ESRP1: variants seen among roughly 807,000 people sequenced by gnomAD.
ESRP1 encodes RNA-binding motif protein 35A.
A neutral mutation model predicts 81.7 loss-of-function variants in ESRP1; 33 were observed. The observed-to-expected ratio is 0.40, with a 90% CI of 0.31 to 0.54. The LOEUF is 0.54. ESRP1 is among the 20% of genes least tolerant of loss of function. ESRP1 has a pLI of 0.41. For missense variants in ESRP1, 672 were observed against 833.1 expected (o/e 0.81, Z 2.38); for synonymous variants, 320 against 303.3 (o/e 1.06, Z -0.57).
chr8:94,650,183 G>A (rs146417491), intron 4 of ESRP1, among the ~76,000 whole-genome samples: 113 of 152,246 alleles, frequency 7.4e-4, no homozygotes, highest in Middle Eastern at 6.9e-3. Context: ...TTTGACAAAC[G>A]TATAATGACA....
At chr8:94,666,569 G>T (rs1055150167) in intron 9 of ESRP1, among the ~76,000 whole-genome samples, 1 of 152,156 alleles carries the variant, frequency 6.6e-6, no homozygotes, top group Non-Finnish European at 1.5e-5. Flanking sequence ...CTGTGTAAAA[G>T]AACATTTGTA....
chr8:94,664,718 T>A lies in ESRP1; in HGVS notation c.666T>A (p.Asp222Glu), dbSNP rs1818928574. ...ACAGCAGCAAGATGGAACTTATTGA[T>A]GATAACACCGTAGTCAGGGCACGAG... is the stretch of plus-strand genomic sequence containing the variant. ...SGTCSKMELI[D>E]DNTVVRARGL... The change falls in exon 7 of 16, where the codon GAT becomes GAA. Residue 222 changes from aspartate to glutamate, a missense_variant. Physicochemically the swap from Asp to Glu is conservative, Grantham distance 45. Transcript: ENST00000433389. The A allele has an allele frequency of 1.9e-6, 3 of 1,613,806 alleles. No individual in the cohort carries two copies. The highest frequency in any genetic ancestry group is 2.5e-6 in the Non-Finnish European group (3 of 1,179,824).
intron 3 of ESRP1, among the ~76,000 whole-genome samples, chr8:94,644,581 G>T (rs1053249549): frequency 6.6e-6 from 1 of 152,106 alleles, no homozygotes; most frequent in Non-Finnish European, 1.5e-5. Context: ...AATATGTAAG[G>T]ATTACTTTTT....
At chr8:94,664,838 A>G (rs1225808202) in intron 7 of ESRP1, 31 bp downstream of exon 7, 4 of 1,611,930 alleles carry the variant, frequency 2.5e-6, no homozygotes, top group Non-Finnish European at 3.4e-6. Flanking sequence ...ATTTTACTTA[A>G]CAATCCCAAA....
rs2303452 is a variant in ESRP1 at position 94,641,717 on chromosome 8, G to T, written c.133-239G>T. 6 of 695,980 alleles carry T rather than the reference G, an allele frequency of 8.6e-6. No homozygotes were observed. In the South Asian group the frequency reaches 1.4e-4, roughly 16 times the overall value. The allele number at this position is 695,980 out of a possible 1,614,324, so 43.1% of individuals were successfully genotyped here. A position where few individuals can be genotyped will look rare whatever the true frequency, so the allele number is the denominator to read the frequency against. Reference sequence around the variant, plus strand: ...TTTGCCCGTCGGGGGACGCTCCGCCGAGACGAGGTGGGGTCTCGGAGGCCC... The same window carrying T: ...TTTGCCCGTCGGGGGACGCTCCGCCTAGACGAGGTGGGGTCTCGGAGGCCC... On this transcript the variant is annotated intron_variant, in intron 1 of 15. Transcript: ENST00000433389.
At chr8:94,648,486 A>AT (rs924389939) in intron 4 of ESRP1, among the ~76,000 whole-genome samples, 26 of 152,382 alleles carry the variant, frequency 1.7e-4, no homozygotes, top group African/African-American at 5.8e-4. Context: ...TCCAATCTGA[A>AT]TATCAACTTG....
chr8:94,705,821 C>A, intron 15 of ESRP1, 104 bp from the exon 16 acceptor site: 2 of 1,086,424 alleles, frequency 1.8e-6, no homozygotes, highest in Non-Finnish European at 1.3e-6. Context: ...GCTTTTTTTC[C>A]ACAAAGTCCT....
chr8:94,689,657 A>G (rs2554401), intron 13 of ESRP1, among the ~76,000 whole-genome samples: 107,253 of 151,444 alleles, frequency 0.71, 38,321 homozygotes, highest in South Asian at 0.8. Flanking sequence ...AGAATTTAGG[A>G]TTTTTTTGTT....
intron 2 of ESRP1, among the ~76,000 whole-genome samples, chr8:94,642,698 A>G (rs1385122227): frequency 6.6e-6 from 1 of 152,092 alleles, no homozygotes; most frequent in East Asian, 1.9e-4. Context: ...GAATCCCCTT[A>G]TTAGGACTGA....
chr8:94,643,321 A>C lies in ESRP1; in HGVS notation c.280A>C (p.Asn94His). The change falls in exon 3 of 16, where the codon AAT becomes CAT. Residue 94 changes from asparagine to histidine, a missense_variant. Transcript: ENST00000433389. The part of the protein sequence containing the change: ...ALRQFNQSVS[N>H]ELNIGVGTSF... ...CTTGCAGTTTAACCAGTCAGTGAGC[A>C]ATGAACTGAATATTGGAGTAGGGAC... The C allele has an allele frequency of 1.2e-6, 2 of 1,611,496 alleles. No individual in the cohort carries two copies. The highest frequency in any genetic ancestry group is 1.7e-6 in the Non-Finnish European group (2 of 1,177,594).
At chr8:94,667,834 G>T in intron 9 of ESRP1, 115 bp from the exon 10 acceptor site, 2 of 829,178 alleles carry the variant, frequency 2.4e-6, no homozygotes, top group South Asian at 1.9e-5. Flanking sequence ...TTCAGTAGGA[G>T]TATGGGTCTT....
rs1810094821 is a variant in ESRP1, at chr8:94,707,129, T to C, written c.*1240T>C. 6.6e-6 allele frequency: 1 copy of C among 152,260 alleles called. No homozygotes were observed. Among genetic ancestry groups the C allele is most frequent in the Non-Finnish European group, 1.5e-5 (1 of 68,042 alleles). The allele number at this position is 152,260 out of a possible 1,614,324, so 9.4% of individuals were successfully genotyped here. ...TCTCTAAGTTACTCATATTGTCCTT[T>C]GCTTGAATGCAATGCCGTGCAGATT... On this transcript the variant is annotated 3_prime_UTR_variant, in exon 16 of 16. Coordinates refer to ENST00000433389, the MANE Select transcript of ESRP1 (RefSeq NM_017697.4).
intron 15 of ESRP1, among the ~76,000 whole-genome samples, chr8:94,697,513 C>T (rs1809652007): frequency 6.6e-6 from 1 of 152,104 alleles, no homozygotes; most frequent in African/African-American, 2.4e-5. Context: ...TTAGGTTCAC[C>T]CTTGTAGCAC....
chr8:94,642,764 C>T (rs976411336), intron 2 of ESRP1, among the ~76,000 whole-genome samples: 5 of 152,062 alleles, frequency 3.3e-5, no homozygotes, highest in Non-Finnish European at 5.9e-5. Context: ...TCGGGTAGGG[C>T]GGGGCGCTAA....
chr8:94,686,836 CTTT>C (rs1809159666), intron 13 of ESRP1, among the ~76,000 whole-genome samples: 1 of 152,052 alleles, frequency 6.6e-6, no homozygotes, highest in Admixed American at 6.6e-5. Flanking sequence ...TGGCATAGCT[CTTT>C]TTTAAGAACT....
At chr8:94,675,066 A>G (rs1819522686) in intron 12 of ESRP1, among the ~76,000 whole-genome samples, 5 of 152,258 alleles carry the variant, frequency 3.3e-5, no homozygotes, top group Admixed American at 2.6e-4. Context: ...CAAAGTTTCC[A>G]TTGGATCACA....
intron 9 of ESRP1, 70 bp downstream of exon 9, chr8:94,665,266 A>G (rs1818962261): frequency 6.9e-7 from 1 of 1,458,614 alleles, no homozygotes; most frequent in Admixed American, 1.9e-5. Flanking sequence ...TAAATTTAGC[A>G]AGAGTAGGTG....
intron 1 of ESRP1, 196 bp from the exon 2 acceptor site, chr8:94,641,760 G>A: frequency 2.7e-6 from 2 of 741,660 alleles, no homozygotes; most frequent in Non-Finnish European, 3.8e-6. Context: ...CACTTCCAGG[G>A]CTTTTCCGAC....
chr8:94,692,842 G>A lies in ESRP1; in HGVS notation c.1971+15G>A. 1 of 1,610,748 alleles carries A rather than the reference G, an allele frequency of 6.2e-7. No individual in the cohort carries two copies. Among genetic ancestry groups the A allele is most frequent in the East Asian group, 2.2e-5 (1 of 44,818 alleles). Reference sequence around the variant, plus strand: ...AAGGTTACCAGGTCAGTAGCTTGAAGGAGAATAATCCTCAGTGCCCTTATT... The same window carrying A: ...AAGGTTACCAGGTCAGTAGCTTGAAAGAGAATAATCCTCAGTGCCCTTATT... On this transcript the variant is annotated intron_variant, in intron 14 of 15. Transcript: ENST00000433389.
Sources: allele counts gnomAD v4.1 joint callset (sites outside exome capture counted in the v4.1 genomes callset), GRCh38; gene constraint gnomAD v4.1.1; transcripts MANE v1.5; gene names NCBI Gene and HGNC (gene_info 2026-07-23, HGNC 2026-07-21).